Variants in ARHGEF9 observed in about 807,000 individuals in gnomAD.
ARHGEF9 encodes the protein rho guanine nucleotide exchange factor 9.
In ARHGEF9, 2 loss-of-function variants were observed where a neutral mutation model predicts 41.3. That is an observed-to-expected ratio of 0.05 (90% CI 0.02 to 0.15). ARHGEF9 has a LOEUF of 0.15. ARHGEF9 is among the 10% of genes least tolerant of loss of function. The pLI is 1.00. For synonymous variants in ARHGEF9, 160 were observed against 154.4 expected, an observed-to-expected ratio of 1.04 and a Z score of -0.27; for missense variants, 225 against 424.7, an observed-to-expected ratio of 0.53 and a Z score of 4.13.
chrX:63,652,344 C>G (rs1392805089), intron 8 of ARHGEF9, among the ~76,000 whole-genome samples: 1 of 111,462 alleles, frequency 9.0e-6, no homozygotes, highest in Admixed American at 9.6e-5. Flanking sequence ...CTTTACTGAA[C>G]ACATATGGAT....
Position 63,655,545 on chromosome X carries a change from G to A in ARHGEF9, c.1270C>T (p.Leu424Phe). ...AKKLEEKIRW[L>F]RAFREERKMV... The stretch of plus-strand genomic sequence containing the variant: ...TTCCTCTCTTCTCTGAAAGCCCTGA[G>A]CCAGCGTATTTTTTCCTCCAGCTTC... Residue 424 changes from leucine (L) to phenylalanine (F), a missense_variant, in exon 8 of 10, where the codon CTC becomes TTC. Transcript: ENST00000671741. The A allele has an allele frequency of 8.3e-7, 1 of 1,211,028 alleles. No individual in the cohort carries two copies. Among genetic ancestry groups the A allele is most frequent in the Non-Finnish European group, 1.1e-6 (1 of 895,209 alleles).
chrX:63,717,190 C>A (rs1400783819), intron 2 of ARHGEF9, among the ~76,000 whole-genome samples: 3 of 112,354 alleles, frequency 2.7e-5, no homozygotes, highest in Non-Finnish European at 5.6e-5. Flanking sequence ...TGGGTTCCTA[C>A]ATATAACACA....
At chrX:63,665,860 C>T in intron 7 of ARHGEF9, 26 bp downstream of exon 7, 1 of 1,207,430 alleles carries the variant, frequency 8.3e-7, no homozygotes, top group East Asian at 3.0e-5. Context: ...ACCCATCTCC[C>T]TCAGGGAAGA....
chrX:63,718,801 G>C (rs1177201436), intron 2 of ARHGEF9, among the ~76,000 whole-genome samples: 16 of 111,606 alleles, frequency 1.4e-4, no homozygotes, highest in Non-Finnish European at 2.8e-4. Context: ...AAAAGCCCAG[G>C]GTAATTTTAG....
intron 9 of ARHGEF9, chrX:63,638,602 T>C: frequency 6.2e-6 from 2 of 320,604 alleles, no homozygotes; most frequent in Middle Eastern, 8.4e-4. Context: ...CAGAATCCCT[T>C]ATGCAGGGGT....
chrX:63,729,044 G>A (rs2054136168), intron 1 of ARHGEF9, among the ~76,000 whole-genome samples: 2 of 111,636 alleles, frequency 1.8e-5, no homozygotes, highest in African/African-American at 6.5e-5. Flanking sequence ...TCTAGTCTGA[G>A]GAAAAGAAAA....
chrX:63,640,705 G>T (rs1240584200), intron 9 of ARHGEF9: 2 of 111,978 alleles, frequency 1.8e-5, no homozygotes, highest in Admixed American at 9.5e-5. Context: ...TCCCAGAGCA[G>T]TAGACTGAGT....
At chrX:63,746,820 T>A (rs782031587) in intron 1 of ARHGEF9, among the ~76,000 whole-genome samples, 17 of 111,772 alleles carry the variant, frequency 1.5e-4, no homozygotes, top group Non-Finnish European at 2.8e-4. Context: ...CCATGACATA[T>A]CTCTTTAATA....
chrX:63,650,023 CAG>C (rs2048432589), intron 8 of ARHGEF9, among the ~76,000 whole-genome samples: 1 of 111,421 alleles, frequency 9.0e-6, no homozygotes, highest in Admixed American at 9.6e-5. Context: ...TAAGAAGAAA[CAG>C]AAATAAACTG....
At chrX:63,683,474 T>C (rs782316101) in intron 4 of ARHGEF9, among the ~76,000 whole-genome samples, 1 of 111,680 alleles carries the variant, frequency 9.0e-6, no homozygotes, top group Admixed American at 9.4e-5. Flanking sequence ...CCAATGGCAT[T>C]TTTCATGGAA....
At chrX:63,723,801 G>A (rs1556415150) in intron 2 of ARHGEF9, among the ~76,000 whole-genome samples, 1 of 111,885 alleles carries the variant, frequency 8.9e-6, no homozygotes, top group African/African-American at 3.3e-5. Context: ...CCCAGAAAAA[G>A]CAAAAACTGC....
At chrX:63,644,670 A>G (rs1167960205) in intron 8 of ARHGEF9, among the ~76,000 whole-genome samples, 2 of 110,956 alleles carry the variant, frequency 1.8e-5, no homozygotes, top group Non-Finnish European at 3.8e-5. Flanking sequence ...CACAACAGAA[A>G]GGACAGCTCA....
chrX:63,637,729 A>G lies in ARHGEF9; in HGVS notation c.*299T>C. On this transcript the variant is annotated 3_prime_UTR_variant, in exon 10 of 10. Transcript: ENST00000671741. ...AAAGCAAAGGGAAGGGGGACAGGGT[A>G]AAAATGGAAAACTTTTAAGACGGAA... 2.1e-5 allele frequency: 5 copies of G among 237,244 alleles called. No individual in the cohort carries two copies. 19.6% of individuals were successfully genotyped at this position (237,244 alleles called of 1,213,427 possible).
At chrX:63,703,743 A>G (rs1556398232) in intron 3 of ARHGEF9, among the ~76,000 whole-genome samples, 1 of 111,746 alleles carries the variant, frequency 8.9e-6, no homozygotes, top group African/African-American at 3.3e-5. Flanking sequence ...AGATAAATGT[A>G]ACAGATAGAA....
chrX:63,765,052 T>C (rs1556451153), intron 1 of ARHGEF9, among the ~76,000 whole-genome samples: 1 of 111,097 alleles, frequency 9.0e-6, no homozygotes, highest in Non-Finnish European at 1.9e-5. Context: ...TATTCAAGGC[T>C]CCCCCTTCCC....
At chrX:63,773,928 G>C (rs1297862707) in intron 1 of ARHGEF9, among the ~76,000 whole-genome samples, 2 of 110,290 alleles carry the variant, frequency 1.8e-5, no homozygotes, top group African/African-American at 6.6e-5. Context: ...AGTTCTTCTG[G>C]TTCTCAGGCC....
intron 3 of ARHGEF9, among the ~76,000 whole-genome samples, chrX:63,698,609 G>T (rs150835070): frequency 1.8e-5 from 2 of 110,765 alleles, no homozygotes; most frequent in Non-Finnish European, 3.8e-5. Context: ...CCCTATCCTC[G>T]CTTTGTCTCC....
intron 4 of ARHGEF9, among the ~76,000 whole-genome samples, chrX:63,683,110 G>GA (rs2050757917): frequency 9.3e-6 from 1 of 107,205 alleles, no homozygotes; most frequent in African/African-American, 3.4e-5. Flanking sequence ...AAATTAAAAA[G>GA]AAAAAAACCT....
intron 1 of ARHGEF9, among the ~76,000 whole-genome samples, chrX:63,783,534 G>A (rs782614108): frequency 1.5e-3 from 168 of 111,921 alleles, no homozygotes; most frequent in African/African-American, 5.3e-3. Context: ...GGGATTACAG[G>A]CGTGGGCGGC....
Sources: allele counts gnomAD v4.1 joint callset (sites outside exome capture counted in the v4.1 genomes callset), GRCh38; gene constraint gnomAD v4.1.1; transcripts MANE v1.5; gene names NCBI Gene and HGNC (gene_info 2026-07-23, HGNC 2026-07-21).